The following RXFP1 variants were observed in gnomAD, a reference collection of about 807,000 sequenced individuals.
RXFP1 encodes relaxin family peptide receptor 1.
RXFP1 carries 73 observed loss-of-function variants against 89.8 expected under a neutral mutation model. The ratio of observed to expected loss-of-function variants is 0.81; its 90% CI spans 0.67 to 0.99. The LOEUF (loss-of-function observed/expected upper bound fraction) is 0.99. Among genes scored for constraint, RXFP1 ranks in the 50% least tolerant of loss-of-function variants. The pLI, the probability that RXFP1 is intolerant of heterozygous loss-of-function variation, is 0.00. For synonymous variants in RXFP1, 277 were observed against 305.5 expected, an observed-to-expected ratio of 0.91 and a Z score of 0.97; for missense variants, 793 against 895.5, an observed-to-expected ratio of 0.89 and a Z score of 1.46.
At chr4:158,554,599 A>G (rs762363085) in intron 1 of RXFP1, among the ~76,000 whole-genome samples, 3 of 152,044 alleles carry the variant, frequency 2.0e-5, no homozygotes, top group Non-Finnish European at 4.4e-5. Context: ...TGGTTTTCAA[A>G]TTGTGTTTGT....
intron 10 of RXFP1, among the ~76,000 whole-genome samples, chr4:158,627,826 C>A (rs1290100133): frequency 6.6e-6 from 1 of 151,986 alleles, no homozygotes; most frequent in African/African-American, 2.4e-5. Flanking sequence ...CCAAATTGCA[C>A]CTGAAGGACA....
chr4:158,640,517 A>G (rs1173833486), intron 14 of RXFP1, among the ~76,000 whole-genome samples: 1 of 152,186 alleles, frequency 6.6e-6, no homozygotes, highest in Non-Finnish European at 1.5e-5. Flanking sequence ...AGAGAAAGCC[A>G]GAGAGAGAAG....
chr4:158,617,051 G>A, intron 8 of RXFP1, 80 bp from the exon 9 acceptor site: 2 of 954,368 alleles, frequency 2.1e-6, no homozygotes, highest in Non-Finnish European at 1.6e-6. Context: ...GGTTTCATAA[G>A]AATAATAATA....
Position 158,653,021 on chromosome 4 carries a change from GC to G in RXFP1, c.*967del, listed in dbSNP as rs1772995916. 1 of 152,194 alleles carries G rather than the reference GC, an allele frequency of 6.6e-6. No homozygotes were observed. The highest frequency in any genetic ancestry group is 2.4e-5 in the African/African-American group (1 of 41,454). The allele number at this position is 152,194 out of a possible 1,614,324, so 9.4% of individuals were successfully genotyped here. ...AGTTAAAAGGAAAAAGAGCTGGAAT[GC>G]ACTGATTCAGGAACTTAATTTCAGG... is the stretch of plus-strand genomic sequence containing the variant. On this transcript the variant is annotated 3_prime_UTR_variant, in exon 18 of 18. Coordinates refer to ENST00000307765, the MANE Select transcript of RXFP1 (RefSeq NM_021634.4).
At chr4:158,564,652 C>A (rs1753173747) in intron 1 of RXFP1, among the ~76,000 whole-genome samples, 1 of 152,164 alleles carries the variant, frequency 6.6e-6, no homozygotes, top group South Asian at 2.1e-4. Flanking sequence ...AATATTTAGG[C>A]TGGTTCAGGA....
chr4:158,548,615 T>C (rs1259348596), intron 1 of RXFP1, among the ~76,000 whole-genome samples: 2 of 152,222 alleles, frequency 1.3e-5, no homozygotes, highest in Non-Finnish European at 2.9e-5. Context: ...TGTTTAGTGC[T>C]TCCTTCAGGA....
chr4:158,626,008 T>C (rs1396957072), intron 9 of RXFP1, among the ~76,000 whole-genome samples: 1 of 152,010 alleles, frequency 6.6e-6, no homozygotes, highest in Non-Finnish European at 1.5e-5. Context: ...CAGTAAAACA[T>C]AAAAATTTTG....
intron 9 of RXFP1, among the ~76,000 whole-genome samples, chr4:158,620,563 CAG>C (rs1765432264): frequency 6.6e-6 from 1 of 151,912 alleles, no homozygotes; most frequent in African/African-American, 2.4e-5. Flanking sequence ...TCAGAGAAAA[CAG>C]AAACATTATA....
chr4:158,545,945 T>A lies in RXFP1; in HGVS notation c.49+23920T>A, dbSNP rs190976323. 7.5e-3 allele frequency among the ~76,000 whole-genome samples: 1,135 copies of A among 152,054 alleles called. 21 individuals carry two copies. Among genetic ancestry groups the A allele is most frequent in the African/African-American group, 0.026 (1,091 of 41,300 alleles). The stretch of plus-strand genomic sequence containing the variant: ...CTTGGCAATGTGGGCTCTTTTTTCG[T>A]TCCATATGAACTTTAAAGTAGTTTT... On this transcript the variant is annotated intron_variant, in intron 1 of 17. Coordinates refer to ENST00000307765, the MANE Select transcript of RXFP1 (RefSeq NM_021634.4).
chr4:158,598,512 G>C (rs1204093091), intron 3 of RXFP1, among the ~76,000 whole-genome samples: 76 of 152,104 alleles, frequency 5.0e-4, no homozygotes, highest in Admixed American at 4.7e-3. Context: ...TTCCCCATCA[G>C]AGCAGGAATC....
At chr4:158,615,557 G>A (rs1259923114) in intron 8 of RXFP1, among the ~76,000 whole-genome samples, 1 of 151,478 alleles carries the variant, frequency 6.6e-6, no homozygotes, top group Non-Finnish European at 1.5e-5. Flanking sequence ...AAAGATTGCT[G>A]TCTTCTATGG....
At chr4:158,548,603 C>T (rs890712004) in intron 1 of RXFP1, among the ~76,000 whole-genome samples, 1 of 152,106 alleles carries the variant, frequency 6.6e-6, no homozygotes, top group Non-Finnish European at 1.5e-5. Flanking sequence ...TGTTCCTTTC[C>T]TTGTTTAGTG....
intron 1 of RXFP1, among the ~76,000 whole-genome samples, chr4:158,536,856 T>C (rs1180557697): frequency 6.6e-6 from 1 of 152,112 alleles, no homozygotes; most frequent in Non-Finnish European, 1.5e-5. Context: ...CAAAATAACA[T>C]AGCCAGGAAA....
At chr4:158,536,377 A>G (rs1044150377) in intron 1 of RXFP1, among the ~76,000 whole-genome samples, 5 of 152,178 alleles carry the variant, frequency 3.3e-5, no homozygotes, top group African/African-American at 1.2e-4. Flanking sequence ...TTTATAAATG[A>G]CACCTTAAGA....
intron 3 of RXFP1, among the ~76,000 whole-genome samples, chr4:158,594,443 T>C (rs1018138622): frequency 3.3e-5 from 5 of 152,300 alleles, no homozygotes; most frequent in Middle Eastern, 3.4e-3. Context: ...GTGTATGAAT[T>C]ATCTCATCAG....
At chr4:158,533,628 T>C (rs1301965031) in intron 1 of RXFP1, among the ~76,000 whole-genome samples, 1 of 152,218 alleles carries the variant, frequency 6.6e-6, no homozygotes, top group Non-Finnish European at 1.5e-5. Flanking sequence ...AGGGTTAGTC[T>C]ATCTTCATTT....
chr4:158,553,035 A>T (rs1750507727), intron 1 of RXFP1, among the ~76,000 whole-genome samples: 4 of 152,252 alleles, frequency 2.6e-5, no homozygotes, highest in South Asian at 2.1e-4. Flanking sequence ...AATAAAAATT[A>T]AAAAATAGCC....
At chr4:158,542,105 A>ATTTTTT (rs1239980342) in intron 1 of RXFP1, among the ~76,000 whole-genome samples, 2 of 25,110 alleles carry the variant, frequency 8.0e-5, no homozygotes, top group African/African-American at 1.9e-4. Flanking sequence ...ATATATATAT[A>ATTTTTT]TATATTTTTT....
intron 1 of RXFP1, among the ~76,000 whole-genome samples, chr4:158,563,319 A>C (rs1327976664): frequency 1.3e-5 from 2 of 152,214 alleles, no homozygotes; most frequent in East Asian, 1.9e-4. Flanking sequence ...GGGTCCCCAC[A>C]CCTGTTAAAA....
Sources: allele counts gnomAD v4.1 joint callset (sites outside exome capture counted in the v4.1 genomes callset), GRCh38; gene constraint gnomAD v4.1.1; transcripts MANE v1.5; gene names NCBI Gene and HGNC (gene_info 2026-07-23, HGNC 2026-07-21).